ABCA4: variants seen among roughly 807,000 people sequenced by gnomAD.
The protein encoded by ABCA4 is retinal-specific phospholipid-transporting ATPase ABCA4.
A neutral mutation model predicts 263.7 loss-of-function variants in ABCA4; 196 were observed. The observed-to-expected ratio is 0.74, with a 90% CI of 0.66 to 0.84. The LOEUF (loss-of-function observed/expected upper bound fraction) is 0.84, where lower values mean the gene tolerates loss of function less well. ABCA4 is among the 40% of genes least tolerant of loss of function. ABCA4 has a pLI of 0.00. For synonymous variants in ABCA4, 1,133 were observed against 1,094.2 expected (o/e 1.04, Z -0.70); for missense variants, 2,792 against 2,855.1 (o/e 0.98, Z 0.50).
At position 94,112,970 on chromosome 1, in the gene ABCA4, T is replaced by C. The variant is rs1662651704; in HGVS notation, c.160+3A>G. On this transcript the variant is annotated splice_donor_region_variant and intron_variant, in intron 2 of 49. Coordinates refer to ENST00000370225, the MANE Select transcript of ABCA4 (RefSeq NM_000350.3). ...CTTGCCCAAGCTACCCTGCTATGCTTACATTCATGATGGCTGTAGAGTGGG... is the reference window on the plus strand; with the variant it reads ...CTTGCCCAAGCTACCCTGCTATGCTCACATTCATGATGGCTGTAGAGTGGG... The C allele has an allele frequency of 5.0e-6, 8 of 1,611,848 alleles. No individual in the cohort carries two copies. Among genetic ancestry groups the C allele is most frequent in the Non-Finnish European group, 6.8e-6 (8 of 1,177,992 alleles).
At chr1:94,058,013 A>T (rs566203091) in intron 14 of ABCA4, among the ~76,000 whole-genome samples, 2 of 152,338 alleles carry the variant, frequency 1.3e-5, no homozygotes, top group Admixed American at 1.3e-4. Context: ...AATGAGCTGT[A>T]TCTGTGATGG....
At chr1:94,008,143 T>C in intron 42 of ABCA4, 92 bp downstream of exon 42, 2 of 1,162,830 alleles carry the variant, frequency 1.7e-6, no homozygotes, top group Non-Finnish European at 1.3e-6. Context: ...GGCATTATGT[T>C]CCTATTGAAT....
intron 49 of ABCA4, among the ~76,000 whole-genome samples, chr1:93,995,580 C>T (rs1226866753): frequency 7.9e-5 from 12 of 152,178 alleles, no homozygotes; most frequent in African/African-American, 2.9e-4. Context: ...CTTCTTTCTC[C>T]ATCTTCTTGT....
At chr1:94,062,812 C>G in intron 12 of ABCA4, 59 bp from the exon 13 acceptor site, 1 of 1,552,380 alleles carries the variant, frequency 6.4e-7, no homozygotes, top group South Asian at 1.1e-5. Context: ...ACTCACACCT[C>G]CCGACCACAG....
At chr1:94,045,525 T>C (rs975057613) in intron 19 of ABCA4, among the ~76,000 whole-genome samples, 1 of 152,192 alleles carries the variant, frequency 6.6e-6, no homozygotes, top group Non-Finnish European at 1.5e-5. Flanking sequence ...GTGTTTGCCT[T>C]TGCGGAGCCC....
At chr1:94,001,452 C>A (rs12086793) in intron 45 of ABCA4, 11 of 506,118 alleles carry the variant, frequency 2.2e-5, no homozygotes, top group African/African-American at 1.7e-4. Flanking sequence ...CCCGCTATGT[C>A]CTGTGCCCTC....
Position 94,021,863 on chromosome 1 carries a change from T to C in ABCA4, c.4756A>G (p.Ile1586Val), listed in dbSNP as rs1318570138. The change falls in exon 33 of 50, where the codon ATC becomes GTC. Residue 1586 changes from isoleucine (I) to valine (V), a missense_variant. By Grantham distance (29) the Ile-to-Val change is conservative. Coordinates refer to ENST00000370225, the MANE Select transcript of ABCA4 (RefSeq NM_000350.3). The stretch of plus-strand genomic sequence containing the variant: ...TTACATACCCCGCTCACATTCATGA[T>C]CCGGCCAAGGTCGCTTAAAAACCCA... ...LVGFLSDLGR[I>V]MNVSGGPITR... 4 of 1,614,200 alleles carry C rather than the reference T, an allele frequency of 2.5e-6. No individual in the cohort carries two copies. Among genetic ancestry groups the C allele is most frequent in the Non-Finnish European group, 2.5e-6 (3 of 1,180,030 alleles).
At chr1:94,068,852 C>T (rs1425152830) in intron 11 of ABCA4, among the ~76,000 whole-genome samples, 2 of 152,234 alleles carry the variant, frequency 1.3e-5, no homozygotes, top group Non-Finnish European at 2.9e-5. Context: ...GCCTCAGAGG[C>T]AGATTCTGGG....
chr1:93,994,143 T>C lies in ABCA4; in HGVS notation c.6817-901A>G, dbSNP rs72956534. ...TGTAAGAATAAGGATTAGAAATTGATCTGAGTTGTTCCTAATTTGGGAATG... is the reference window on the plus strand; with the variant it reads ...TGTAAGAATAAGGATTAGAAATTGACCTGAGTTGTTCCTAATTTGGGAATG... On this transcript the variant is annotated intron_variant, in intron 49 of 49. Transcript: ENST00000370225. Among the ~76,000 whole-genome samples the C allele has an allele frequency of 6.1e-3, 930 of 152,264 alleles. 14 individuals carry two copies. The highest frequency in any genetic ancestry group is 0.021 in the African/African-American group (877 of 41,540).
chr1:94,082,178 T>C (rs1661718344), intron 7 of ABCA4, among the ~76,000 whole-genome samples: 2 of 152,222 alleles, frequency 1.3e-5, no homozygotes, highest in South Asian at 4.1e-4. Flanking sequence ...GTGAGTCTTA[T>C]GACATCTTGT....
At chr1:94,089,553 T>C (rs962863220) in intron 6 of ABCA4, among the ~76,000 whole-genome samples, 3 of 151,082 alleles carry the variant, frequency 2.0e-5, no homozygotes, top group African/African-American at 7.3e-5. Context: ...CTGCTCCGCC[T>C]CCCGGGTTCA....
At chr1:94,101,272 A>C (rs1284439242) in intron 5 of ABCA4, among the ~76,000 whole-genome samples, 2 of 152,198 alleles carry the variant, frequency 1.3e-5, no homozygotes, top group Non-Finnish European at 2.9e-5. Context: ...TCAGGACTTG[A>C]GTTTTACGAG....
intron 26 of ABCA4, among the ~76,000 whole-genome samples, chr1:94,034,992 A>G (rs1252170452): frequency 2.6e-5 from 4 of 152,186 alleles, no homozygotes; most frequent in Non-Finnish European, 4.4e-5. Context: ...CAAAGAGGCT[A>G]TGTACTTACC....
At chr1:94,072,437 C>T (rs920871734) in intron 11 of ABCA4, among the ~76,000 whole-genome samples, 2 of 152,112 alleles carry the variant, frequency 1.3e-5, no homozygotes, top group Non-Finnish European at 1.5e-5. Flanking sequence ...AATGAAAATA[C>T]ACTGTGAACT....
rs559433489 is a variant in ABCA4 at position 94,056,794 on chromosome 1, G to A, written c.2189C>T (p.Pro730Leu). The A allele has an allele frequency of 6.2e-7, 1 of 1,610,354 alleles. No homozygotes were observed. The highest frequency in any genetic ancestry group is 8.5e-7 in the Non-Finnish European group (1 of 1,178,208). ...MHGRILHYSD[P>L]FILFLFLLAF... ...CAACAAGAACAGGAAGAGGATGAAT[G>A]GGTCGCTGTAATGTAGGATTCTTCC... Residue 730 changes from proline (P) to leucine (L), a missense_variant, in exon 15 of 50, where the codon CCA becomes CTA. Pro to Leu is a moderately conservative substitution (Grantham distance 98). Transcript: ENST00000370225.
intron 35 of ABCA4, 113 bp downstream of exon 35, chr1:94,021,126 TA>T: frequency 6.9e-7 from 1 of 1,458,770 alleles, no homozygotes; most frequent in Non-Finnish European, 9.6e-7. Context: ...TGTGCCTGAC[TA>T]AACAGCATTA....
intron 32 of ABCA4, 24 bp from the exon 33 acceptor site, chr1:94,021,975 C>T: frequency 6.2e-7 from 1 of 1,603,246 alleles, no homozygotes; most frequent in Non-Finnish European, 8.5e-7. Context: ...AGGAAATCCT[C>T]AGACCAGGGC....
Position 94,014,545 on chromosome 1 carries a change from G to A in ABCA4, c.5458C>T (p.Arg1820Trp), listed in dbSNP as rs748806015. 12 of 1,614,096 alleles carry A rather than the reference G, an allele frequency of 7.4e-6. No homozygotes were observed. The highest frequency in any genetic ancestry group is 6.7e-5 in the East Asian group (3 of 44,876). ...AAAGCCAAGAAAGTTATGCTCACCC[G>A]GTTATTCTCAAATAATTCCAAGATG... ...TFILELFENNRTLLRFNAVLR... is the reference protein window; with the variant it reads ...TFILELFENNWTLLRFNAVLR... Residue 1820 changes from arginine (R) to tryptophan (W), a missense_variant and splice_region_variant, in exon 38 of 50, where the codon CGG becomes TGG. Coordinates refer to ENST00000370225, the MANE Select transcript of ABCA4 (RefSeq NM_000350.3).
chr1:94,094,527 T>C (rs990145918), intron 6 of ABCA4, among the ~76,000 whole-genome samples: 8 of 152,150 alleles, frequency 5.3e-5, no homozygotes, highest in Admixed American at 3.3e-4. Flanking sequence ...AGGAAAACCG[T>C]GAGCCCAAAT....
Sources: gnomAD v4.1 joint callset for allele counts (sites outside exome capture counted in the v4.1 genomes callset) on GRCh38, gnomAD v4.1.1 for gene constraint, MANE v1.5 for transcripts, NCBI Gene and HGNC (gene_info 2026-07-23, HGNC 2026-07-21) for gene names.